Variants in KMT2E observed in about 807,000 individuals in gnomAD.
The protein encoded by KMT2E is histone reader KMT2E.
In KMT2E, 30 loss-of-function variants were observed where a neutral mutation model predicts 184.6. The observed-to-expected ratio is 0.16, with a 90% CI of 0.12 to 0.22. The LOEUF (loss-of-function observed/expected upper bound fraction) is 0.22, where lower values mean the gene tolerates loss of function less well. Ranked by LOEUF, KMT2E falls within the 10% of genes least tolerant of loss-of-function variation. The probability of loss-of-function intolerance (pLI) is 1.00; values close to 1 mark genes in which losing one functional copy is unlikely to be tolerated. For missense variants in KMT2E, 2,023 were observed against 2,237.4 expected, an observed-to-expected ratio of 0.90 and a Z score of 1.93; for synonymous variants, 815 against 776.5, an observed-to-expected ratio of 1.05 and a Z score of -0.82.
intron 13 of KMT2E, among the ~76,000 whole-genome samples, chr7:105,087,612 C>T (rs556676280): frequency 5.3e-5 from 8 of 151,652 alleles, no homozygotes; most frequent in East Asian, 1.9e-4. Context: ...TTAGTAGAGA[C>T]GGGGTTTCAC....
In KMT2E at chr7:105,107,373, A is replaced by C; in HGVS notation, c.2916A>C (p.Arg972Ser). The change falls in exon 22 of 27, where the codon AGA becomes AGC. Residue 972 changes from arginine to serine, a missense_variant. Physicochemically the swap from Arg to Ser is moderately radical, Grantham distance 110. This residue lies in a region of KMT2E where 514 missense variants were observed against 621.8 expected (regional missense o/e 0.83). Coordinates refer to ENST00000311117, the MANE Select transcript of KMT2E (RefSeq NM_182931.3). The part of the protein sequence containing the change: ...RRTYSQEGYD[R>S]SSTMLTLGPF... ...TAATTTGTAAACAGGGATATGACAG[A>C]TCTTCAACCATGTTAACATTGGGGC... is the stretch of plus-strand genomic sequence containing the variant. 6.3e-7 allele frequency: 1 copy of C among 1,585,918 alleles called. No homozygotes were observed. Among genetic ancestry groups the C allele is most frequent in the Non-Finnish European group, 8.6e-7 (1 of 1,168,336 alleles).
chr7:105,113,034 C>T lies in KMT2E; in HGVS notation c.5278C>T (p.Pro1760Ser). The T allele has an allele frequency of 6.2e-7, 1 of 1,614,168 alleles. No individual in the cohort carries two copies. The highest frequency in any genetic ancestry group is 8.5e-7 in the Non-Finnish European group (1 of 1,180,026). ...FPSSAHPTVP[P>S]YPSQATHHTT... ...TTCGAGTGCTCATCCAACTGTACCA[C>T]CGTATCCCTCACAAGCTACACATCA... Residue 1760 changes from proline to serine, a missense_variant, in exon 27 of 27, where the codon CCG becomes TCG. Pro to Ser is a moderately conservative substitution (Grantham distance 74, BLOSUM62 -1). Coordinates refer to ENST00000311117, the MANE Select transcript of KMT2E (RefSeq NM_182931.3).
At chr7:105,076,934 A>G (rs1217324287) in intron 9 of KMT2E, 29 bp from the exon 10 acceptor site, 3 of 1,447,004 alleles carry the variant, frequency 2.1e-6, no homozygotes, top group East Asian at 4.6e-5. Context: ...CCGTAAGTCC[A>G]GATACTAAAG....
intron 25 of KMT2E, 83 bp from the exon 26 acceptor site, chr7:105,110,688 G>A (rs1799195106): frequency 1.3e-6 from 2 of 1,589,552 alleles, no homozygotes; most frequent in South Asian, 2.2e-5. Flanking sequence ...GGTTTGGATA[G>A]TAGAATGTAT....
chr7:105,112,369 G>A lies in KMT2E; in HGVS notation c.4613G>A (p.Ser1538Asn), dbSNP rs755712187. Residue 1538 changes from serine to asparagine, a missense_variant, in exon 27 of 27, where the codon AGT becomes AAT. Physicochemically the swap from Ser to Asn is conservative, Grantham distance 46. Coordinates refer to ENST00000311117, the MANE Select transcript of KMT2E (RefSeq NM_182931.3). ...ACATACAGTCAGTTTAACCAACAAA[G>A]TCTGAACAGCACGGCACCACCCCCT... Reference protein sequence around the residue: ...SATYSQFNQQSLNSTAPPPPP... With the variant: ...SATYSQFNQQNLNSTAPPPPP... 6.2e-7 allele frequency: 1 copy of A among 1,613,052 alleles called. No individual in the cohort carries two copies. Among genetic ancestry groups the A allele is most frequent in the Admixed American group, 1.7e-5 (1 of 60,002 alleles).
chr7:105,112,984 CTCA>C lies in KMT2E; in HGVS notation c.5232_5234del (p.His1744del), dbSNP rs780572640. On this transcript the variant is annotated inframe_deletion, in exon 27 of 27. Coordinates refer to ENST00000311117, the MANE Select transcript of KMT2E (RefSeq NM_182931.3). ...TCAGCTCAAGCCTTACACCACCCAC[CTCA>C]TCAAGGACCTCCACTTTTTCCTTCG... The C allele has an allele frequency of 6.2e-7, 1 of 1,614,062 alleles. No individual in the cohort carries two copies. Among genetic ancestry groups the C allele is most frequent in the Non-Finnish European group, 8.5e-7 (1 of 1,180,012 alleles).
rs752936136 is a variant in KMT2E at position 105,076,030 on chromosome 7, A to C, written c.730-13A>C. 1 of 1,580,990 alleles carries C rather than the reference A, an allele frequency of 6.3e-7. No homozygotes were observed. Among genetic ancestry groups the C allele is most frequent in the Non-Finnish European group, 8.7e-7 (1 of 1,151,004 alleles). On this transcript the variant is annotated splice_polypyrimidine_tract_variant and intron_variant, in intron 8 of 26. Transcript: ENST00000311117. ...TTTTTAGGAAACTAACTAGAATTCC[A>C]TGTTTATTTTAGGCATTTCGTGAAG...
chr7:105,096,560 CTGGAA>C (rs763105187), intron 15 of KMT2E, among the ~76,000 whole-genome samples: 11 of 151,080 alleles, frequency 7.3e-5, no homozygotes, highest in Middle Eastern at 3.2e-3. Context: ...ATAGTCTAGT[CTGGAA>C]TTTTTATACC....
chr7:105,072,207 A>G (rs1797350526), intron 6 of KMT2E, among the ~76,000 whole-genome samples: 1 of 152,104 alleles, frequency 6.6e-6, no homozygotes, highest in East Asian at 1.9e-4. Flanking sequence ...CGTCCCAGCT[A>G]CTTGGGAGGC....
chr7:105,070,707 G>T (rs190144305), intron 6 of KMT2E, among the ~76,000 whole-genome samples: 4 of 151,628 alleles, frequency 2.6e-5, no homozygotes, highest in African/African-American at 4.8e-5. Context: ...CAGCTCTTTG[G>T]GGGGCTGAGG....
In KMT2E at chr7:105,071,689, C is replaced by T. The variant is rs148484792; in HGVS notation, c.498-1930C>T. Among the ~76,000 whole-genome samples, 284 of 136,910 alleles carry T rather than the reference C, an allele frequency of 2.1e-3. 2 individuals carry two copies. The highest frequency in any genetic ancestry group is 7.2e-3 in the African/African-American group (266 of 36,784). The allele number at this position is 136,910 out of a possible 152,430, so 89.8% of individuals were successfully genotyped here. On this transcript the variant is annotated intron_variant, in intron 6 of 26. Transcript: ENST00000311117. Reference sequence around the variant, plus strand: ...GGCCAGGATGGTCTCAATCTCCTGACCTCGTGATCTGCCTGCCTCGGCCTC... The same window carrying T: ...GGCCAGGATGGTCTCAATCTCCTGATCTCGTGATCTGCCTGCCTCGGCCTC...
At chr7:105,074,909 TAGC>T in intron 8 of KMT2E, 94 bp downstream of exon 8, 1 of 847,814 alleles carries the variant, frequency 1.2e-6, no homozygotes, top group Non-Finnish European at 1.7e-6. Flanking sequence ...TAATCGATGA[TAGC>T]TAAAAAGGAT....
intron 1 of KMT2E, among the ~76,000 whole-genome samples, chr7:105,024,326 C>G (rs1795082474): frequency 6.6e-6 from 1 of 152,156 alleles, no homozygotes; most frequent in Admixed American, 6.5e-5. Flanking sequence ...TGTAGTACTA[C>G]TAAGTCTTAA....
chr7:105,040,884 C>T lies in KMT2E; in HGVS notation c.-69C>T, dbSNP rs1795848286. 2 of 1,129,326 alleles carry T rather than the reference C, an allele frequency of 1.8e-6. No individual in the cohort carries two copies. Among genetic ancestry groups the T allele is most frequent in the Admixed American group, 1.9e-5 (1 of 51,520 alleles). The allele number at this position is 1,129,326 out of a possible 1,614,324, so 70.0% of individuals were successfully genotyped here. ...TGTTTGCAATGAGCACTGTGGCTGGCATGCCCCAGTGTTTTGGATACCAAT... is the reference window on the plus strand; with the variant it reads ...TGTTTGCAATGAGCACTGTGGCTGGTATGCCCCAGTGTTTTGGATACCAAT... On this transcript the variant is annotated 5_prime_UTR_variant, in exon 3 of 27. Transcript: ENST00000311117.
At chr7:105,077,771 C>T (rs1797592289) in intron 11 of KMT2E, 1 of 211,528 alleles carries the variant, frequency 4.7e-6, no homozygotes. Context: ...TACAAGGAAC[C>T]CTTTCCATCT....
At position 105,110,556 on chromosome 7, in the gene KMT2E, G is replaced by C; in HGVS notation, c.3924G>C (p.Gln1308His). 4 of 1,614,106 alleles carry C rather than the reference G, an allele frequency of 2.5e-6. No homozygotes were observed. The highest frequency in any genetic ancestry group is 3.4e-6 in the Non-Finnish European group (4 of 1,179,990). The change falls in exon 25 of 27, where the codon CAG becomes CAC. Residue 1308 changes from glutamine (Q) to histidine (H), a missense_variant. By Grantham distance (24) the Gln-to-His change is conservative. Coordinates refer to ENST00000311117, the MANE Select transcript of KMT2E (RefSeq NM_182931.3). ...SPSSHSNHIP[Q>H]LQAKGPVPSF... ...CATCTCATTCAAATCACATACCCCA[G>C]TTGCAAGCTAAGGGCCCAGTCCCTT... is the stretch of plus-strand genomic sequence containing the variant.
intron 6 of KMT2E, among the ~76,000 whole-genome samples, chr7:105,070,959 A>G (rs922097938): frequency 2.0e-5 from 3 of 152,228 alleles, no homozygotes; most frequent in Admixed American, 6.5e-5. Flanking sequence ...CTGTCACTCT[A>G]AAGTCAAATA....
chr7:105,091,715 G>GAA, intron 15 of KMT2E: 2 of 216,060 alleles, frequency 9.3e-6, no homozygotes, highest in Non-Finnish European at 1.7e-5. Flanking sequence ...AATTGCTTAT[G>GAA]CAAAAAAAAA....
chr7:105,049,869 C>T (rs552316387), intron 3 of KMT2E, among the ~76,000 whole-genome samples: 8 of 151,732 alleles, frequency 5.3e-5, no homozygotes, highest in Non-Finnish European at 8.8e-5. Flanking sequence ...CCAGCCTGGG[C>T]GACAAGAGCA....
Sources: gnomAD v4.1 joint callset for allele counts (sites outside exome capture counted in the v4.1 genomes callset) on GRCh38, gnomAD v4.1.1 for gene constraint, gnomAD v4.1.1 regional missense constraint, MANE v1.5 for transcripts, NCBI Gene and HGNC (gene_info 2026-07-23, HGNC 2026-07-21) for gene names.